SLC25A12: variants seen among roughly 807,000 people sequenced by gnomAD.
SLC25A12 encodes the protein solute carrier family 25 member 12.
SLC25A12 carries 32 observed loss-of-function variants against 83.3 expected under a neutral mutation model. The ratio of observed to expected loss-of-function variants is 0.38; its 90% CI spans 0.29 to 0.52. SLC25A12 has a LOEUF of 0.52. Among genes scored for constraint, SLC25A12 ranks in the 20% least tolerant of loss-of-function variants. The probability of loss-of-function intolerance (pLI) is 0.84; values close to 1 mark genes in which losing one functional copy is unlikely to be tolerated. For synonymous variants in SLC25A12, 267 were observed against 291.1 expected (o/e 0.92, Z 0.84); for missense variants, 611 against 835.6 (o/e 0.73, Z 3.31).
chr2:171,786,656 G>A (rs1005344034), intron 17 of SLC25A12, among the ~76,000 whole-genome samples: 2 of 152,068 alleles, frequency 1.3e-5, no homozygotes, highest in African/African-American at 4.8e-5. Context: ...CTTGCTTTGG[G>A]TACAACTTCC....
At chr2:171,786,556 A>G (rs762171361) in intron 17 of SLC25A12, among the ~76,000 whole-genome samples, 1 of 152,106 alleles carries the variant, frequency 6.6e-6, no homozygotes, top group Non-Finnish European at 1.5e-5. Context: ...CTGATTCCCT[A>G]TATGGCCTTT....
At chr2:171,798,734 T>G (rs1347573806) in intron 13 of SLC25A12, among the ~76,000 whole-genome samples, 2 of 152,098 alleles carry the variant, frequency 1.3e-5, no homozygotes, top group Non-Finnish European at 2.9e-5. Context: ...AATAGGATAG[T>G]GATAGTTTAA....
At chr2:171,892,270 G>T (rs1381701497) in intron 2 of SLC25A12, among the ~76,000 whole-genome samples, 1 of 149,850 alleles carries the variant, frequency 6.7e-6, no homozygotes, top group African/African-American at 2.5e-5. Context: ...TCTGTCCCCA[G>T]GCTGGAGTGC....
At chr2:171,802,678 A>G (rs1257336941) in intron 13 of SLC25A12, among the ~76,000 whole-genome samples, 1 of 152,196 alleles carries the variant, frequency 6.6e-6, no homozygotes, top group African/African-American at 2.4e-5. Flanking sequence ...CGGGAGGCTG[A>G]GGCAGGAGAA....
chr2:171,836,338 C>A (rs532439668), intron 6 of SLC25A12, among the ~76,000 whole-genome samples: 1 of 152,300 alleles, frequency 6.6e-6, no homozygotes, highest in East Asian at 1.9e-4. Flanking sequence ...AAGCAGTAAT[C>A]AAAAACTTAT....
chr2:171,859,009 A>G (rs1685097055), intron 3 of SLC25A12, among the ~76,000 whole-genome samples: 1 of 152,256 alleles, frequency 6.6e-6, no homozygotes, highest in African/African-American at 2.4e-5. Context: ...GCAAACGTTA[A>G]GTGATCTTCC....
intron 5 of SLC25A12, among the ~76,000 whole-genome samples, chr2:171,842,566 C>T (rs897802587): frequency 6.6e-6 from 1 of 151,948 alleles, no homozygotes; most frequent in Admixed American, 6.6e-5. Context: ...TGCACACCAG[C>T]CTGGATAACA....
At position 171,894,234 on chromosome 2, in the gene SLC25A12, G is replaced by A. The variant is rs773002910; in HGVS notation, c.-20C>T. On this transcript the variant is annotated 5_prime_UTR_variant, in exon 1 of 18. Transcript: ENST00000422440. Reference sequence around the variant, plus strand: ...CGCCATGCTGTGCTCGGAAGCCGGGGACGAGCGAGTGAGCGAGCAGGGCCG... The same window carrying A: ...CGCCATGCTGTGCTCGGAAGCCGGGAACGAGCGAGTGAGCGAGCAGGGCCG... 10 of 1,608,168 alleles carry A rather than the reference G, an allele frequency of 6.2e-6. No individual in the cohort carries two copies. Among genetic ancestry groups the A allele is most frequent in the African/African-American group, 1.3e-5 (1 of 74,738 alleles).
At chr2:171,817,208 TAG>T (rs1181670852) in intron 9 of SLC25A12, among the ~76,000 whole-genome samples, 1 of 152,106 alleles carries the variant, frequency 6.6e-6, no homozygotes, top group Non-Finnish European at 1.5e-5. Context: ...TAATTTGTAA[TAG>T]GAGTCCAAAC....
chr2:171,834,184 TG>T, intron 7 of SLC25A12, 128 bp from the exon 8 acceptor site: 1 of 640,216 alleles, frequency 1.6e-6, no homozygotes, highest in Non-Finnish European at 2.8e-6. Flanking sequence ...AATCTAAAAT[TG>T]AATTTAAATA....
chr2:171,871,917 TCA>T, intron 2 of SLC25A12: 1 of 16,150 alleles, frequency 6.2e-5, no homozygotes, highest in Non-Finnish European at 2.0e-4. Flanking sequence ...AGACCCTGTC[TCA>T]AAAAAAAAAA....
At chr2:171,884,902 A>T (rs533582983) in intron 2 of SLC25A12, among the ~76,000 whole-genome samples, 1 of 152,180 alleles carries the variant, frequency 6.6e-6, no homozygotes, top group East Asian at 1.9e-4. Flanking sequence ...TTAGCCTGGT[A>T]CATAGTAGGC....
At position 171,785,473 on chromosome 2, in the gene SLC25A12, T is replaced by C; in HGVS notation, c.1838A>G (p.Lys613Arg). The change falls in exon 18 of 18, where the codon AAA (lysine) becomes AGA (arginine). Residue 613 changes from lysine (K) to arginine (R), a missense_variant and splice_region_variant. Physicochemically the swap from Lys to Arg is conservative, Grantham distance 26. Around this residue, in one of 3 missense-constraint regions of SLC25A12, gnomAD observed 540 missense variants for 777.5 expected, o/e 0.69. Coordinates refer to ENST00000422440, the MANE Select transcript of SLC25A12 (RefSeq NM_003705.5). ...AGGTGTTGGTTCTGAACCAGCGGGT[T>C]TGCTGTTGACAGAAAAAAAGCCAAT... ...RWFYIDFGGL[K>R]PAGSEPTPKS... is the part of the protein sequence containing the mutation. 6.2e-7 allele frequency: 1 copy of C among 1,613,962 alleles called. No homozygotes were observed. Among genetic ancestry groups the C allele is most frequent in the Non-Finnish European group, 8.5e-7 (1 of 1,180,026 alleles).
intron 8 of SLC25A12, among the ~76,000 whole-genome samples, chr2:171,833,479 C>G (rs2105885454): frequency 6.6e-6 from 1 of 152,250 alleles, no homozygotes; most frequent in African/African-American, 2.4e-5. Context: ...GGTCACAGGC[C>G]AGGCTGGTCT....
rs2105832893 is a variant in SLC25A12, at chr2:171,787,947, C to T, written c.1586G>A (p.Gly529Asp). The change falls in exon 16 of 18, where the codon GGT (glycine) becomes GAT (aspartate). Residue 529 changes from glycine (G) to aspartate (D), a missense_variant and splice_region_variant. By Grantham distance (94) the Gly-to-Asp change is moderately conservative. Transcript: ENST00000422440. ...LNLLAAGAMA[G>D]VPAASLVTPA... The stretch of plus-strand genomic sequence containing the variant: ...GGTCACCAGAGATGCAGCTGGGACA[C>T]CTTTCAGGAGAAAACCACATTTAAT... 6.2e-7 allele frequency: 1 copy of T among 1,614,188 alleles called. No individual in the cohort carries two copies.
Position 171,791,528 on chromosome 2 carries a change from G to C in SLC25A12, c.1508C>G (p.Ala503Gly), listed in dbSNP as rs367802441. ...PFSAIYFPVY[A>G]HCKLLLADEN... Reference sequence around the variant, plus strand: ...ATCAGCCAGAAGTAGTTTGCAATGAGCATAAACAGGAAAATAGATTGCAGA... The same window carrying C: ...ATCAGCCAGAAGTAGTTTGCAATGACCATAAACAGGAAAATAGATTGCAGA... The change falls in exon 15 of 18, where the codon GCT (alanine) becomes GGT (glycine). Residue 503 changes from alanine to glycine, a missense_variant. Around this residue, in one of 3 missense-constraint regions of SLC25A12, gnomAD observed 540 missense variants for 777.5 expected, o/e 0.69. Transcript: ENST00000422440. 2 of 1,613,034 alleles carry C rather than the reference G, an allele frequency of 1.2e-6. No homozygotes were observed. The highest frequency in any genetic ancestry group is 1.3e-5 in the African/African-American group (1 of 74,842).
At chr2:171,828,216 A>C (rs1684352665) in intron 8 of SLC25A12, among the ~76,000 whole-genome samples, 1 of 152,256 alleles carries the variant, frequency 6.6e-6, no homozygotes, top group Admixed American at 6.5e-5. Context: ...CTGAAGGCCA[A>C]GAAGTGAATG....
rs1442679797 is a variant in SLC25A12, at chr2:171,783,735, A to C, written c.*1539T>G. ...ATATTTCTAACAAGTGGTAGTAGCA[A>C]AACAACTGTATTATTATTTGTTCCA... On this transcript the variant is annotated 3_prime_UTR_variant, in exon 18 of 18. Coordinates refer to ENST00000422440, the MANE Select transcript of SLC25A12 (RefSeq NM_003705.5). Among the ~76,000 whole-genome samples, 1 of 152,226 alleles carries C rather than the reference A, an allele frequency of 6.6e-6. No individual in the cohort carries two copies. Among genetic ancestry groups the C allele is most frequent in the Non-Finnish European group, 1.5e-5 (1 of 68,036 alleles).
chr2:171,886,733 A>G (rs1253973571), intron 2 of SLC25A12, among the ~76,000 whole-genome samples: 2 of 152,092 alleles, frequency 1.3e-5, no homozygotes, highest in East Asian at 3.9e-4. Flanking sequence ...GATGGTCTCA[A>G]TCTCCTGACC....
Sources: allele counts gnomAD v4.1 joint callset (sites outside exome capture counted in the v4.1 genomes callset), GRCh38; gene constraint gnomAD v4.1.1; regional missense constraint gnomAD v4.1.1; transcripts MANE v1.5; gene names NCBI Gene and HGNC (gene_info 2026-07-23, HGNC 2026-07-21).